The following ELMO1 variants were observed in gnomAD, a reference collection of about 807,000 sequenced individuals.
The protein encoded by ELMO1 is engulfment and cell motility protein 1.
A neutral mutation model predicts 98.9 loss-of-function variants in ELMO1; 26 were observed. That is an observed-to-expected ratio of 0.26 (90% CI 0.19 to 0.36). The LOEUF (loss-of-function observed/expected upper bound fraction) is 0.36, where lower values mean the gene tolerates loss of function less well. Among genes scored for constraint, ELMO1 ranks in the 10% least tolerant of loss-of-function variants. The pLI is 1.00. For synonymous variants in ELMO1, 346 were observed against 346.0 expected (o/e 1.00, Z 0.00); for missense variants, 627 against 935.2 (o/e 0.67, Z 4.30).
chr7:37,023,567 T>C (rs1052233245), intron 15 of ELMO1, among the ~76,000 whole-genome samples: 5 of 152,172 alleles, frequency 3.3e-5, no homozygotes, highest in Non-Finnish European at 5.9e-5. Context: ...ACCTAAACTT[T>C]AGTTTAATTT....
intron 13 of ELMO1, among the ~76,000 whole-genome samples, chr7:37,164,190 T>C (rs1789457681): frequency 6.6e-6 from 1 of 152,214 alleles, no homozygotes; most frequent in Non-Finnish European, 1.5e-5. Context: ...GGGTTGTTTG[T>C]TATTTCTTGT....
intron 1 of ELMO1, among the ~76,000 whole-genome samples, chr7:37,448,041 T>C (rs1805717311): frequency 6.7e-6 from 1 of 149,960 alleles, no homozygotes; most frequent in Non-Finnish European, 1.5e-5. Context: ...GGGAGGAGAG[T>C]ATTTACTAAC....
At chr7:37,265,010 G>A (rs1796166389) in intron 5 of ELMO1, among the ~76,000 whole-genome samples, 1 of 152,168 alleles carries the variant, frequency 6.6e-6, no homozygotes, top group Non-Finnish European at 1.5e-5. Flanking sequence ...AATGTTTGCT[G>A]TGTCCCTTCA....
intron 16 of ELMO1, among the ~76,000 whole-genome samples, chr7:36,897,798 TA>T (rs1806161325): frequency 1.3e-5 from 2 of 152,316 alleles, no homozygotes; most frequent in South Asian, 4.1e-4. Flanking sequence ...CAAGAATACA[TA>T]AGTAGAGCAA....
At chr7:36,975,225 T>C (rs1790420198) in intron 16 of ELMO1, among the ~76,000 whole-genome samples, 1 of 152,094 alleles carries the variant, frequency 6.6e-6, no homozygotes, top group African/African-American at 2.4e-5. Flanking sequence ...ATCCCAGCAC[T>C]TTGGGAGGCC....
chr7:37,321,985 C>T (rs1473391959), intron 2 of ELMO1, among the ~76,000 whole-genome samples: 5 of 151,250 alleles, frequency 3.3e-5, no homozygotes, highest in Non-Finnish European at 7.4e-5. Context: ...TCAGCCTCCC[C>T]AGTAGCTGGG....
chr7:36,877,950 T>C, intron 19 of ELMO1, 60 bp downstream of exon 19: 1 of 1,290,088 alleles, frequency 7.8e-7, no homozygotes, highest in Non-Finnish European at 1.1e-6. Context: ...CGTGATATAT[T>C]GTGACTAGGA....
At chr7:37,360,451 G>A (rs1194668673) in intron 1 of ELMO1, among the ~76,000 whole-genome samples, 1 of 149,794 alleles carries the variant, frequency 6.7e-6, no homozygotes, top group Admixed American at 6.6e-5. Flanking sequence ...CACCAAGGTC[G>A]ACATTTCAAA....
At chr7:37,198,021 G>A (rs544482272) in intron 13 of ELMO1, among the ~76,000 whole-genome samples, 106 of 152,266 alleles carry the variant, frequency 7.0e-4, no homozygotes, top group African/African-American at 2.4e-3. Context: ...GTGGTTTTGA[G>A]TCTTATCTGC....
intron 16 of ELMO1, among the ~76,000 whole-genome samples, chr7:37,003,779 T>C (rs1792852497): frequency 6.6e-6 from 1 of 152,232 alleles, no homozygotes; most frequent in Admixed American, 6.5e-5. Context: ...TTTGGAAATC[T>C]CACTTAGGAT....
rs572028109 is a variant in ELMO1 at position 37,103,123 on chromosome 7, C to T, written c.1192-6396G>A. 3.3e-4 allele frequency among the ~76,000 whole-genome samples: 50 copies of T among 152,312 alleles called. No homozygotes were observed. In the Middle Eastern group the frequency reaches 0.014, roughly 41 times the overall value. Reference sequence around the variant, plus strand: ...GATTTCCTTAGTGCCTGAAACACCTCAAACACTTGATGGAGACAACTGATA... The same window carrying T: ...GATTTCCTTAGTGCCTGAAACACCTTAAACACTTGATGGAGACAACTGATA... On this transcript the variant is annotated intron_variant, in intron 14 of 21. Transcript: ENST00000310758.
At chr7:37,234,405 T>A (rs1794347343) in intron 7 of ELMO1, among the ~76,000 whole-genome samples, 1 of 152,212 alleles carries the variant, frequency 6.6e-6, no homozygotes, top group African/African-American at 2.4e-5. Context: ...ACTGTTCTAC[T>A]CAGCCCAGCC....
intron 13 of ELMO1, among the ~76,000 whole-genome samples, chr7:37,169,062 G>T (rs1789958641): frequency 6.6e-6 from 1 of 152,194 alleles, no homozygotes; most frequent in Non-Finnish European, 1.5e-5. Flanking sequence ...CCCTCCCCCA[G>T]CCTCGCTGCC....
intron 13 of ELMO1, among the ~76,000 whole-genome samples, chr7:37,165,946 G>A (rs1789649433): frequency 2.0e-5 from 3 of 152,090 alleles, no homozygotes; most frequent in African/African-American, 7.2e-5. Flanking sequence ...GGGAGAATTC[G>A]GCTGTGAATC....
At chr7:37,109,198 G>T (rs1475690005) in intron 14 of ELMO1, among the ~76,000 whole-genome samples, 1 of 152,134 alleles carries the variant, frequency 6.6e-6, no homozygotes, top group African/African-American at 2.4e-5. Context: ...CGGCCACGTG[G>T]ATGAAAACAC....
intron 1 of ELMO1, among the ~76,000 whole-genome samples, chr7:37,406,265 T>C (rs1286382486): frequency 2.7e-5 from 3 of 111,176 alleles, no homozygotes; most frequent in African/African-American, 9.4e-5. Flanking sequence ...TATTACTCTT[T>C]TGTTTTTTTT....
chr7:37,188,009 C>A (rs1791320207), intron 13 of ELMO1, among the ~76,000 whole-genome samples: 1 of 151,846 alleles, frequency 6.6e-6, no homozygotes, highest in Non-Finnish European at 1.5e-5. Context: ...TGACAAGAAT[C>A]TTCATTCACA....
rs191555276 is a variant in ELMO1, at chr7:37,304,850, G to A, written c.192+10000C>T. On this transcript the variant is annotated intron_variant, in intron 4 of 21. Coordinates refer to ENST00000310758, the MANE Select transcript of ELMO1 (RefSeq NM_014800.11). ...CTCCAAGTTTTGTTTTAAGTGGCTT[G>A]TTTTCACATACGTACAGAGAATTCT... is the stretch of plus-strand genomic sequence containing the variant. Among the ~76,000 whole-genome samples the A allele has an allele frequency of 5.5e-3, 830 of 152,242 alleles. 9 individuals carry two copies. Among genetic ancestry groups the A allele is most frequent in the African/African-American group, 0.019 (788 of 41,554 alleles).
intron 1 of ELMO1, among the ~76,000 whole-genome samples, chr7:37,443,912 C>CT (rs764793619): frequency 7.2e-5 from 11 of 152,106 alleles, no homozygotes; most frequent in Non-Finnish European, 1.5e-4. Context: ...TTCTCAGACT[C>CT]TTTTTTTAAA....
Sources: allele counts gnomAD v4.1 joint callset (sites outside exome capture counted in the v4.1 genomes callset), GRCh38; gene constraint gnomAD v4.1.1; transcripts MANE v1.5; gene names NCBI Gene and HGNC (gene_info 2026-07-23, HGNC 2026-07-21).